Variants in RABGAP1L observed in about 807,000 individuals in gnomAD.
The protein encoded by RABGAP1L is rab GTPase-activating protein 1-like.
A neutral mutation model predicts 137.7 loss-of-function variants in RABGAP1L; 63 were observed. The observed-to-expected ratio is 0.46, with a 90% CI of 0.37 to 0.56. The LOEUF (loss-of-function observed/expected upper bound fraction) is 0.56. Ranked by LOEUF, RABGAP1L falls within the 20% of genes least tolerant of loss-of-function variation. RABGAP1L has a pLI of 0.00. For missense variants in RABGAP1L, 1,095 were observed against 1,244.0 expected, an observed-to-expected ratio of 0.88 and a Z score of 1.80; for synonymous variants, 431 against 433.7, an observed-to-expected ratio of 0.99 and a Z score of 0.08.
intron 19 of RABGAP1L, among the ~76,000 whole-genome samples, chr1:174,953,168 A>G (rs1485000974): frequency 6.6e-6 from 1 of 152,212 alleles, no homozygotes. Context: ...GAACATTATT[A>G]AGGCAAATTC....
intron 24 of RABGAP1L, among the ~76,000 whole-genome samples, chr1:174,985,639 T>C (rs1340773600): frequency 6.6e-6 from 1 of 152,226 alleles, no homozygotes; most frequent in Non-Finnish European, 1.5e-5. Flanking sequence ...CCTTCTTTTG[T>C]CATGATCACC....
chr1:174,576,599 TAGC>T (rs1263018491), intron 13 of RABGAP1L, among the ~76,000 whole-genome samples: 3 of 152,214 alleles, frequency 2.0e-5, no homozygotes, highest in African/African-American at 7.2e-5. Context: ...TTTTATTCCA[TAGC>T]AGTAGTTTCA....
rs763655083 is a variant in RABGAP1L, at chr1:174,958,080, C to T, written c.2433+531C>T. On this transcript the variant is annotated intron_variant, in intron 20 of 25. Transcript: ENST00000681986. ...AAGACTTTTAGCAGGTGAACTGTTC[C>T]AAGACTGACACAAGGATGTTTCAAA... 2.0e-6 allele frequency: 3 copies of T among 1,518,796 alleles called. No homozygotes were observed. The East Asian group carries it at 7.5e-5, about 38-fold the overall frequency. The allele number at this position is 1,518,796 out of a possible 1,614,324, so 94.1% of individuals were successfully genotyped here.
intron 13 of RABGAP1L, among the ~76,000 whole-genome samples, chr1:174,414,411 T>A (rs1221800167): frequency 6.6e-6 from 1 of 152,178 alleles, no homozygotes; most frequent in African/African-American, 2.4e-5. Context: ...TTCGGTTGTA[T>A]GACTTTTAGT....
At chr1:174,982,985 C>T in intron 24 of RABGAP1L, 80 bp downstream of exon 24, 1 of 1,373,160 alleles carries the variant, frequency 7.3e-7, no homozygotes, top group Middle Eastern at 1.8e-4. Flanking sequence ...ACCCCAAACA[C>T]CACCATTTTG....
chr1:174,885,828 A>G (rs898713871), intron 19 of RABGAP1L, among the ~76,000 whole-genome samples: 7 of 151,848 alleles, frequency 4.6e-5, no homozygotes, highest in Admixed American at 1.3e-4. Flanking sequence ...TTAGCCGGGC[A>G]TGGTGGCGGG....
chr1:174,745,981 A>G (rs1683830597), intron 17 of RABGAP1L, among the ~76,000 whole-genome samples: 1 of 152,158 alleles, frequency 6.6e-6, no homozygotes, highest in Admixed American at 6.5e-5. Flanking sequence ...TTTGATTCCT[A>G]AGAACCCAGG....
chr1:174,800,293 G>C, intron 18 of RABGAP1L: 1 of 1,535,114 alleles, frequency 6.5e-7, no homozygotes, highest in South Asian at 1.2e-5. Flanking sequence ...TTGTGGATAA[G>C]AGATCCATCT....
At chr1:174,827,416 A>C (rs776284770) in intron 19 of RABGAP1L, among the ~76,000 whole-genome samples, 1 of 149,474 alleles carries the variant, frequency 6.7e-6, no homozygotes, top group Non-Finnish European at 1.5e-5. Context: ...CCCAATACAG[A>C]TACTGGAGGT....
intron 13 of RABGAP1L, among the ~76,000 whole-genome samples, chr1:174,535,722 A>G (rs181590648): frequency 6.6e-6 from 1 of 152,288 alleles, no homozygotes; most frequent in Admixed American, 6.5e-5. Context: ...AAGATTAATA[A>G]TTCCAAAGGA....
At chr1:174,469,619 C>G (rs1239013788) in intron 13 of RABGAP1L, among the ~76,000 whole-genome samples, 7 of 152,046 alleles carry the variant, frequency 4.6e-5, no homozygotes, top group Admixed American at 6.6e-5. Context: ...GGGTTCCATC[C>G]TGGAAGCTCT....
chr1:174,671,038 ATT>A lies in RABGAP1L; in HGVS notation c.1825-12483_1825-12482del, dbSNP rs527960959. Among the ~76,000 whole-genome samples the A allele has an allele frequency of 3.5e-3, 526 of 152,278 alleles. 4 individuals carry two copies. The highest frequency in any genetic ancestry group is 0.012 in the African/African-American group (488 of 41,578). ...TGTATAAAGGTACCCTTTTCTCCAC[ATT>A]CTTGCCAGCATTTGTTATTGCCTGT... On this transcript the variant is annotated intron_variant, in intron 14 of 25. Coordinates refer to ENST00000681986, the MANE Select transcript of RABGAP1L (RefSeq NM_001366446.1).
At chr1:174,633,723 A>G (rs1673656634) in intron 13 of RABGAP1L, among the ~76,000 whole-genome samples, 1 of 137,570 alleles carries the variant, frequency 7.3e-6, no homozygotes, top group Non-Finnish European at 1.6e-5. Flanking sequence ...CCTCAGAAAT[A>G]ACGCTGCATA....
At chr1:174,923,692 C>T (rs1223929595) in intron 19 of RABGAP1L, among the ~76,000 whole-genome samples, 1 of 151,788 alleles carries the variant, frequency 6.6e-6, no homozygotes, top group Non-Finnish European at 1.5e-5. Context: ...GACAGCCTGG[C>T]CAACATGTTG....
chr1:174,728,351 T>A lies in RABGAP1L; in HGVS notation c.2170-23962T>A, dbSNP rs1198130097. On this transcript the variant is annotated intron_variant, in intron 17 of 25. Transcript: ENST00000681986. ...AGTAATGTTCAAGCTCGGAGCCAAA[T>A]AAAGAATGCAGTCCCCTTTACAATA... is the stretch of plus-strand genomic sequence containing the variant. Among the ~76,000 whole-genome samples the A allele has an allele frequency of 2.0e-5, 3 of 152,108 alleles. No individual in the cohort carries two copies. In the East Asian group the frequency reaches 5.8e-4, roughly 29 times the overall value.
rs147866408 is a variant in RABGAP1L, at chr1:174,564,797, T to G, written c.1711-72578T>G. On this transcript the variant is annotated intron_variant, in intron 13 of 25. Coordinates refer to ENST00000681986, the MANE Select transcript of RABGAP1L (RefSeq NM_001366446.1). ...GAGAAAAAAACTTATTTAATATTTT[T>G]AGAATTCTCTAGATCCTATGGATAG... 6.8e-3 allele frequency among the ~76,000 whole-genome samples: 1,033 copies of G among 152,242 alleles called. 13 individuals are homozygous for G. Among genetic ancestry groups the G allele is most frequent in the African/African-American group, 0.023 (973 of 41,532 alleles).
rs1234563069 is a variant in RABGAP1L at position 174,744,119 on chromosome 1, C to T, written c.2170-8194C>T. On this transcript the variant is annotated intron_variant, in intron 17 of 25. Transcript: ENST00000681986. Reference sequence around the variant, plus strand: ...AAAAAAAAAAAAAAAAAAAAAAAAGCGATTGATTTTCAGTGCTGCAATCCT... The same window carrying T: ...AAAAAAAAAAAAAAAAAAAAAAAAGTGATTGATTTTCAGTGCTGCAATCCT... Among the ~76,000 whole-genome samples the T allele has an allele frequency of 1.1e-4, 10 of 91,538 alleles. No individual in the cohort carries two copies. In the East Asian group the frequency reaches 2.4e-3, roughly 22 times the overall value. The allele number at this position is 91,538 out of a possible 152,430, so 60.1% of individuals were successfully genotyped here.
intron 12 of RABGAP1L, among the ~76,000 whole-genome samples, chr1:174,392,270 A>G (rs1209769134): frequency 6.6e-6 from 1 of 152,212 alleles, no homozygotes; most frequent in East Asian, 1.9e-4. Flanking sequence ...TAATTCTATT[A>G]CACAGATATT....
chr1:174,415,328 C>G (rs960652434), intron 13 of RABGAP1L, among the ~76,000 whole-genome samples: 1 of 151,976 alleles, frequency 6.6e-6, no homozygotes, highest in East Asian at 1.9e-4. Context: ...CTTCAATTTT[C>G]TACATACAAA....
Sources: gnomAD v4.1 joint callset for allele counts (sites outside exome capture counted in the v4.1 genomes callset) on GRCh38, gnomAD v4.1.1 for gene constraint, MANE v1.5 for transcripts, NCBI Gene and HGNC (gene_info 2026-07-23, HGNC 2026-07-21) for gene names.